Variants in ZNF536 observed in about 807,000 individuals in gnomAD.
ZNF536 encodes the protein zinc finger protein 536.
Under a neutral mutation model 84.5 loss-of-function variants are expected in ZNF536, and 13 were observed. That is an observed-to-expected ratio of 0.15 (90% CI 0.10 to 0.24). The LOEUF is 0.24. Ranked by LOEUF, ZNF536 falls within the 10% of genes least tolerant of loss-of-function variation. ZNF536 has a pLI of 1.00. For missense variants in ZNF536, 1,536 were observed against 1,747.5 expected, an observed-to-expected ratio of 0.88 and a Z score of 2.16; for synonymous variants, 811 against 742.5, an observed-to-expected ratio of 1.09 and a Z score of -1.50.
At chr19:30,362,036 G>T (rs202050048) in intron 3 of ZNF536, among the ~76,000 whole-genome samples, 1 of 13,164 alleles carries the variant, frequency 7.6e-5, no homozygotes, top group Non-Finnish European at 2.3e-4. Context: ...TGGTCCTACT[G>T]TACTGCGGGT....
downstream of ZNF536, among the ~76,000 whole-genome samples, chr19:30,558,514 C>T (rs185109092): frequency 7.9e-5 from 12 of 152,236 alleles, no homozygotes; most frequent in African/African-American, 2.2e-4. Context: ...TTTCATCCTG[C>T]GAAGGGGTAG....
In ZNF536 at chr19:30,232,001, G is replaced by C. The variant is rs527577397; in HGVS notation, c.-190+3328G>C. Among the ~76,000 whole-genome samples the C allele has an allele frequency of 5.3e-5, 8 of 152,280 alleles. No individual in the cohort carries two copies. The South Asian group carries it at 1.7e-3, about 32-fold the overall frequency. On this transcript the variant is annotated intron_variant, in intron 1 of 5. Transcript: ENST00000585628. ...GAAATCAGGAAATACAAAAGAAAAT[G>C]CATCTTCAGAATAGAGATGCTAGGA...
chr19:30,349,724 T>C (rs2146690867), intron 2 of ZNF536, among the ~76,000 whole-genome samples: 1 of 152,084 alleles, frequency 6.6e-6, no homozygotes, highest in South Asian at 2.1e-4. Flanking sequence ...TGCCTGTTAC[T>C]CTGCTTGATT....
At chr19:30,331,504 G>A (rs73551234) in intron 2 of ZNF536, among the ~76,000 whole-genome samples, 1,833 of 152,026 alleles carry the variant, frequency 0.012, 41 homozygotes, top group African/African-American at 0.042. Context: ...TGGTGTCACC[G>A]TCTCCTGAGG....
At chr19:30,495,561 G>T (rs552214395) in intron 2 of ZNF536, among the ~76,000 whole-genome samples, 1 of 152,342 alleles carries the variant, frequency 6.6e-6, no homozygotes, top group Non-Finnish European at 1.5e-5. Context: ...ATCATCTGAT[G>T]GAGAGATAGC....
rs150249638 is a variant in ZNF536 at position 30,583,869 on chromosome 19, C to T, written c.169+34355C>T. On this transcript the variant is annotated intron_variant, in intron 1 of 1. Transcript: ENST00000592773. ...ACGAGCTCGGCTATTGATGGAGACC[C>T]GAGAGCCGTGATTCTGGCCCTGGTG... Among the ~76,000 whole-genome samples the T allele has an allele frequency of 4.5e-3, 692 of 152,200 alleles. 7 individuals carry two copies. Among genetic ancestry groups the T allele is most frequent in the African/African-American group, 0.016 (659 of 41,514 alleles).
intron 1 of ZNF536, among the ~76,000 whole-genome samples, chr19:30,643,771 T>C (rs1413513276): frequency 2.6e-5 from 4 of 152,096 alleles, no homozygotes; most frequent in East Asian, 3.9e-4. Flanking sequence ...GGGAGTTGCG[T>C]TGGGGGGTGG....
intron 2 of ZNF536, among the ~76,000 whole-genome samples, chr19:30,523,195 G>T (rs2044436141): frequency 6.6e-6 from 1 of 152,130 alleles, no homozygotes; most frequent in African/African-American, 2.4e-5. Flanking sequence ...TACTCAGGAG[G>T]CTAGTCCTGG....
At chr19:30,468,683 T>C (rs2053511637) in intron 2 of ZNF536, among the ~76,000 whole-genome samples, 1 of 151,894 alleles carries the variant, frequency 6.6e-6, no homozygotes, top group Non-Finnish European at 1.5e-5. Flanking sequence ...GATGGAGATA[T>C]GGTCTTGGGG....
At chr19:30,690,016 A>T (rs2051346684) in intron 1 of ZNF536, among the ~76,000 whole-genome samples, 1 of 152,218 alleles carries the variant, frequency 6.6e-6, no homozygotes, top group Non-Finnish European at 1.5e-5. Flanking sequence ...CTGCCCCCTG[A>T]TTCAGCCAAA....
At chr19:30,565,900 G>A (rs530885850) in intron 1 of ZNF536, among the ~76,000 whole-genome samples, 2 of 152,200 alleles carry the variant, frequency 1.3e-5, no homozygotes, top group East Asian at 3.9e-4. Context: ...GCCAAGCACC[G>A]AACCTGATAG....
intron 1 of ZNF536, among the ~76,000 whole-genome samples, chr19:30,430,866 G>C (rs748743455): frequency 1.3e-5 from 2 of 152,166 alleles, no homozygotes; most frequent in Non-Finnish European, 2.9e-5. Flanking sequence ...AGTAGAAATG[G>C]GGTTTCACCA....
upstream of ZNF536, among the ~76,000 whole-genome samples, chr19:30,369,791 G>GA (rs1231991397): frequency 4.5e-4 from 68 of 152,112 alleles, no homozygotes; most frequent in African/African-American, 1.6e-3. Flanking sequence ...GCTGCAATCA[G>GA]AATAAAGTGT....
At chr19:30,415,784 G>T (rs1446969374) in intron 1 of ZNF536, among the ~76,000 whole-genome samples, 4 of 152,024 alleles carry the variant, frequency 2.6e-5, no homozygotes, top group African/African-American at 9.7e-5. Context: ...CTAATTTTTT[G>T]TATTTTTAGT....
intron 1 of ZNF536, among the ~76,000 whole-genome samples, chr19:30,581,548 C>T (rs1016177751): frequency 1.3e-5 from 2 of 152,142 alleles, no homozygotes; most frequent in Admixed American, 6.6e-5. Context: ...CTGGAAACAG[C>T]TCTTGCAGGG....
At chr19:30,355,752 T>C (rs1207993097) in intron 3 of ZNF536, among the ~76,000 whole-genome samples, 2 of 152,118 alleles carry the variant, frequency 1.3e-5, no homozygotes, top group African/African-American at 4.8e-5. Flanking sequence ...CTCCTGTCAG[T>C]GGCTGCATTA....
intron 1 of ZNF536, among the ~76,000 whole-genome samples, chr19:30,407,817 A>T (rs1173478669): frequency 6.6e-6 from 1 of 152,010 alleles, no homozygotes; most frequent in Non-Finnish European, 1.5e-5. Context: ...CAATTGCATG[A>T]CTCTACCATG....
intron 3 of ZNF536, among the ~76,000 whole-genome samples, chr19:30,357,903 C>T (rs1184350445): frequency 6.6e-6 from 1 of 152,182 alleles, no homozygotes; most frequent in Non-Finnish European, 1.5e-5. Context: ...TGTACAGACT[C>T]TGCTTCTTCC....
chr19:30,390,828 C>A (rs953305092), intron 1 of ZNF536, among the ~76,000 whole-genome samples: 2 of 152,160 alleles, frequency 1.3e-5, no homozygotes, highest in Non-Finnish European at 2.9e-5. Flanking sequence ...TACACTCAGC[C>A]CCCGTTGGCA....
Sources: allele counts gnomAD v4.1 joint callset (sites outside exome capture counted in the v4.1 genomes callset), GRCh38; gene constraint gnomAD v4.1.1; transcripts MANE v1.5; gene names NCBI Gene and HGNC (gene_info 2026-07-23, HGNC 2026-07-21).